The following HIVEP2 variants were observed in gnomAD, a reference collection of about 807,000 sequenced individuals.
The protein encoded by HIVEP2 is HIVEP zinc finger 2.
HIVEP2 carries 14 observed loss-of-function variants against 180.7 expected under a neutral mutation model. That is an observed-to-expected ratio of 0.08 (90% CI 0.05 to 0.12). The LOEUF (loss-of-function observed/expected upper bound fraction) is 0.12. Among genes scored for constraint, HIVEP2 ranks in the 10% least tolerant of loss-of-function variants. The probability of loss-of-function intolerance (pLI) is 1.00; values close to 1 mark genes in which losing one functional copy is unlikely to be tolerated. For missense variants in HIVEP2, 2,579 were observed against 3,008.5 expected, an observed-to-expected ratio of 0.86 and a Z score of 3.34; for synonymous variants, 1,184 against 1,136.4, an observed-to-expected ratio of 1.04 and a Z score of -0.84.
Position 142,943,953 on chromosome 6 carries a change from T to C in HIVEP2, c.-641+1146A>G, listed in dbSNP as rs937418909. On this transcript the variant is annotated intron_variant, in intron 1 of 9. Transcript: ENST00000367603. This position sits in a 1 kb window ranked among gnomAD's most constrained non-coding sequence, Gnocchi z 4.5. ...CACATTATTGCTTCTCTCCTCCAAG[T>C]GTCTTGATTAAGGACCCTCTCTCTT... 1.3e-5 allele frequency among the ~76,000 whole-genome samples: 2 copies of C among 152,152 alleles called. No individual in the cohort carries two copies. Among genetic ancestry groups the C allele is most frequent in the African/African-American group, 4.8e-5 (2 of 41,428 alleles).
intron 2 of HIVEP2, among the ~76,000 whole-genome samples, chr6:142,785,381 C>A (rs1775975052): frequency 7.3e-6 from 1 of 136,270 alleles, no homozygotes; most frequent in Non-Finnish European, 1.6e-5. Context: ...TTTTGTACTC[C>A]AAGCAAAATG....
chr6:142,761,941 A>G (rs533913473), intron 7 of HIVEP2, among the ~76,000 whole-genome samples: 3 of 152,296 alleles, frequency 2.0e-5, no homozygotes, highest in South Asian at 2.1e-4. Context: ...AGGAAACGCA[A>G]TCTGGCCACA....
rs578159514 is a variant in HIVEP2 at position 142,828,304 on chromosome 6, CCAGA to C, written c.-528+8627_-528+8630del. On this transcript the variant is annotated intron_variant, in intron 2 of 9. Transcript: ENST00000367603. ...GAATCTTTTATCTGATCTTCAAAGC[CCAGA>C]CAAAGTGTTTTCCCCCAATAAACTT... Among the ~76,000 whole-genome samples the C allele has an allele frequency of 1.3e-3, 202 of 152,220 alleles. 1 individual carries two copies. The highest frequency in any genetic ancestry group is 4.4e-3 in the African/African-American group (181 of 41,544).
At chr6:142,840,249 G>T in intron 1 of HIVEP2, among the ~76,000 whole-genome samples, 1 of 152,068 alleles carries the variant, frequency 6.6e-6, no homozygotes, top group South Asian at 2.1e-4. Context: ...AGTGACTCTT[G>T]AAAAGCCCTC....
chr6:142,840,227 G>A (rs1413643492), intron 1 of HIVEP2, among the ~76,000 whole-genome samples: 2 of 152,110 alleles, frequency 1.3e-5, no homozygotes, highest in East Asian at 3.8e-4. Flanking sequence ...TAACTATTTT[G>A]TAGGGTTTCA....
chr6:142,883,202 G>T (rs1036656757), intron 1 of HIVEP2, among the ~76,000 whole-genome samples: 1 of 151,934 alleles, frequency 6.6e-6, no homozygotes, highest in Admixed American at 6.6e-5. Flanking sequence ...AGAGAGAAAG[G>T]GGGGAAAAGC....
At chr6:142,812,717 C>G (rs1343483505) in intron 2 of HIVEP2, among the ~76,000 whole-genome samples, 1 of 152,032 alleles carries the variant, frequency 6.6e-6, no homozygotes. Flanking sequence ...AAACTGCATT[C>G]CATATGTTCC....
intron 2 of HIVEP2, among the ~76,000 whole-genome samples, chr6:142,784,644 T>G (rs1015322102): frequency 7.2e-5 from 11 of 152,184 alleles, no homozygotes; most frequent in African/African-American, 2.7e-4. Context: ...TCACATAAGA[T>G]TCTGGTGCTG....
At chr6:142,893,120 G>A (rs1232020083) in intron 1 of HIVEP2, among the ~76,000 whole-genome samples, 1 of 152,136 alleles carries the variant, frequency 6.6e-6, no homozygotes, top group Non-Finnish European at 1.5e-5. Flanking sequence ...GGCAGGAACT[G>A]GAAAGTGGGA....
At chr6:142,759,652 G>C in intron 9 of HIVEP2, 120 bp downstream of exon 9, 1 of 786,584 alleles carries the variant, frequency 1.3e-6, no homozygotes, top group Non-Finnish European at 2.1e-6. Flanking sequence ...ATTTTCATTA[G>C]CCAGATTCAC....
chr6:142,878,464 GA>G (rs1195634239), intron 1 of HIVEP2, among the ~76,000 whole-genome samples: 1 of 152,162 alleles, frequency 6.6e-6, no homozygotes, highest in Non-Finnish European at 1.5e-5. Context: ...GTGAATTCAT[GA>G]ATTCAAAGCC....
At chr6:142,767,529 T>C (rs1204820621) in intron 6 of HIVEP2, among the ~76,000 whole-genome samples, 2 of 152,172 alleles carry the variant, frequency 1.3e-5, no homozygotes, top group African/African-American at 2.4e-5. Flanking sequence ...GTCATGCCCA[T>C]GAAGATATGT....
At chr6:142,864,500 T>C (rs1288408557) in intron 1 of HIVEP2, among the ~76,000 whole-genome samples, 1 of 152,130 alleles carries the variant, frequency 6.6e-6, no homozygotes, top group East Asian at 1.9e-4. Context: ...TAGCGAAAAA[T>C]AATAAATATT....
At chr6:142,894,024 C>T (rs1776925341) in intron 1 of HIVEP2, among the ~76,000 whole-genome samples, 2 of 152,186 alleles carry the variant, frequency 1.3e-5, no homozygotes. Context: ...CTTAATCATC[C>T]TAACAACTGA....
At chr6:142,754,449 A>C (rs1775011797) in intron 9 of HIVEP2, among the ~76,000 whole-genome samples, 1 of 152,162 alleles carries the variant, frequency 6.6e-6, no homozygotes, top group African/African-American at 2.4e-5. Flanking sequence ...CTTTTTTAAA[A>C]AGTTTTCCAC....
rs534403313 is a variant in HIVEP2 at position 142,888,366 on chromosome 6, A to G, written c.-640-51319T>C. Among the ~76,000 whole-genome samples the G allele has an allele frequency of 1.9e-3, 292 of 152,202 alleles. 1 individual carries two copies. Among genetic ancestry groups the G allele is most frequent in the Admixed American group, 3.9e-3 (59 of 15,284 alleles). Reference sequence around the variant, plus strand: ...GATTTCAAACTCCTGGACTCAAGCAATCCTCCCACCTTGGCCTCTGAAAAT... The same window carrying G: ...GATTTCAAACTCCTGGACTCAAGCAGTCCTCCCACCTTGGCCTCTGAAAAT... On this transcript the variant is annotated intron_variant, in intron 1 of 9. Coordinates refer to ENST00000367603, the MANE Select transcript of HIVEP2 (RefSeq NM_006734.4).
chr6:142,945,712 C>T (rs1408413795), upstream of HIVEP2, among the ~76,000 whole-genome samples: 1 of 152,118 alleles, frequency 6.6e-6, no homozygotes, highest in Non-Finnish European at 1.5e-5. This position sits in a 1 kb window ranked among gnomAD's most constrained non-coding sequence, Gnocchi z 5.5. Flanking sequence ...GATGTTTGTG[C>T]GGAGACCCTC....
intron 2 of HIVEP2, among the ~76,000 whole-genome samples, chr6:142,789,905 A>C (rs1369173703): frequency 1.3e-5 from 2 of 152,220 alleles, no homozygotes; most frequent in Admixed American, 1.3e-4. Context: ...CTAAATAAAA[A>C]TAAATGCAAC....
chr6:142,805,708 T>C (rs928580822), intron 2 of HIVEP2, among the ~76,000 whole-genome samples: 7 of 152,132 alleles, frequency 4.6e-5, no homozygotes, highest in Admixed American at 1.3e-4. Flanking sequence ...GCTGAGCTCA[T>C]ATTTAAGCAT....
Sources: allele counts gnomAD v4.1 joint callset (sites outside exome capture counted in the v4.1 genomes callset), GRCh38; gene constraint gnomAD v4.1.1; non-coding constraint Gnocchi (gnomAD v3.1); transcripts MANE v1.5; gene names NCBI Gene and HGNC (gene_info 2026-07-23, HGNC 2026-07-21).